OTOF: variants seen among roughly 807,000 people sequenced by gnomAD.
OTOF encodes otoferlin.
OTOF carries 218 observed loss-of-function variants against 236.8 expected under a neutral mutation model. The ratio of observed to expected loss-of-function variants is 0.92; its 90% confidence interval spans 0.82 to 1.03. The LOEUF is 1.03. Among genes scored for constraint, OTOF ranks in the 50% least tolerant of loss-of-function variants. OTOF has a pLI of 0.00. For missense variants in OTOF, 2,590 were observed against 2,694.4 expected (o/e 0.96, Z 0.86); for synonymous variants, 1,041 against 1,072.5 (o/e 0.97, Z 0.57).
intron 18 of OTOF, 64 bp downstream of exon 18, chr2:26,479,200 G>T: frequency 6.3e-7 from 1 of 1,591,424 alleles, no homozygotes; most frequent in Non-Finnish European, 8.6e-7. Flanking sequence ...TTCCAGGGAA[G>T]GCCCTCTGAC....
chr2:26,478,582 T>C (rs1665424539), intron 18 of OTOF, among the ~76,000 whole-genome samples: 1 of 151,972 alleles, frequency 6.6e-6, no homozygotes, highest in Admixed American at 6.6e-5. Context: ...CCATGGCTCA[T>C]GGGGGGAGAG....
At chr2:26,458,320 G>A in intron 46 of OTOF, 100 bp from the exon 47 acceptor site, 2 of 1,232,678 alleles carry the variant, frequency 1.6e-6, no homozygotes, top group Middle Eastern at 2.5e-4. Flanking sequence ...GCCCTGCCAT[G>A]GCCCCAGCCC....
chr2:26,555,344 C>A (rs72857910), intron 1 of OTOF, among the ~76,000 whole-genome samples: 2,200 of 152,314 alleles, frequency 0.014, 38 homozygotes, highest in East Asian at 0.043. Flanking sequence ...GACTCCCTAT[C>A]TCCTGTCTGA....
intron 18 of OTOF, among the ~76,000 whole-genome samples, chr2:26,478,791 C>T (rs542574144): frequency 5.3e-5 from 8 of 152,294 alleles, no homozygotes; most frequent in African/African-American, 1.2e-4. Context: ...CTCCGCCTCA[C>T]GGGTTCAAGC....
At chr2:26,501,615 CT>C in intron 8 of OTOF, 138 bp downstream of exon 8, 1 of 673,706 alleles carries the variant, frequency 1.5e-6, no homozygotes, top group African/African-American at 1.8e-5. Context: ...AACAAGCTTA[CT>C]TTGGGAACTT....
At chr2:26,501,845 G>C in intron 7 of OTOF, 37 bp from the exon 8 acceptor site, 1 of 1,523,036 alleles carries the variant, frequency 6.6e-7, no homozygotes. Flanking sequence ...CTGGGGTATG[G>C]GGACTGCTTG....
At position 26,468,470 on chromosome 2, in the gene OTOF, AGTT is replaced by A; in HGVS notation, c.4025_4027del (p.Gln1342del). The A allele has an allele frequency of 6.2e-7, 1 of 1,613,916 alleles. No individual in the cohort carries two copies. The highest frequency in any genetic ancestry group is 8.5e-7 in the Non-Finnish European group (1 of 1,179,828). ...AATTCCAGAGGGCTCTTGTTGTCGA[AGTT>A]GCTGCCAAAAGATGAGATGAAAAGG... On this transcript the variant is annotated inframe_deletion and splice_region_variant, in exon 33 of 47. Coordinates refer to ENST00000272371, the MANE Select transcript of OTOF (RefSeq NM_194248.3).
chr2:26,508,713 C>T, intron 5 of OTOF, among the ~76,000 whole-genome samples: 1 of 152,250 alleles, frequency 6.6e-6, no homozygotes, highest in East Asian at 1.9e-4. Context: ...TCTACTTCAA[C>T]TTAACTTCAA....
chr2:26,520,923 C>T lies in OTOF; in HGVS notation c.228-1814G>A, dbSNP rs75207971. ...GTGAAAACATGCACGGCTGGGATAT[C>T]CTCTTCTGTGGATATGCTGGAAAAT... On this transcript the variant is annotated intron_variant, in intron 3 of 46. Transcript: ENST00000272371. 4.6e-3 allele frequency among the ~76,000 whole-genome samples: 698 copies of T among 152,286 alleles called. 3 individuals carry two copies. Among genetic ancestry groups the T allele is most frequent in the Non-Finnish European group, 7.8e-3 (531 of 68,024 alleles).
intron 5 of OTOF, among the ~76,000 whole-genome samples, chr2:26,512,453 C>T (rs913867240): frequency 5.3e-5 from 8 of 152,184 alleles, no homozygotes; most frequent in African/African-American, 1.7e-4. Context: ...TGGTCAGGGC[C>T]GAAGTCACTT....
In OTOF at chr2:26,474,076, A is replaced by AT; in HGVS notation, c.3322dup (p.Ile1108AsnfsTer69). 6.2e-7 allele frequency: 1 copy of AT among 1,612,970 alleles called. No individual in the cohort carries two copies. Among genetic ancestry groups the AT allele is most frequent in the Non-Finnish European group, 8.5e-7 (1 of 1,179,872 alleles). On this transcript the variant is annotated frameshift_variant, in exon 27 of 47. Transcript: ENST00000272371. LOFTEE classifies it high-confidence loss of function. ...TCGGTCCACGTCCACCGGGCCATTG[A>AT]TGGGGGGCAGGTCAGCCTTCCCTGC... is the stretch of plus-strand genomic sequence containing the variant.
At chr2:26,459,744 T>C (rs923975699) in intron 46 of OTOF, among the ~76,000 whole-genome samples, 4 of 152,136 alleles carry the variant, frequency 2.6e-5, no homozygotes, top group African/African-American at 9.7e-5. Flanking sequence ...AAGTGTAAAA[T>C]AGTCATTTCT....
At chr2:26,519,214 C>T (rs1666614292) in intron 3 of OTOF, 105 bp from the exon 4 acceptor site, 2 of 782,662 alleles carry the variant, frequency 2.6e-6, no homozygotes, top group Non-Finnish European at 4.3e-6. Flanking sequence ...CTCAGGTGGG[C>T]TTGCTCCAGC....
chr2:26,555,623 G>T (rs905186125), intron 1 of OTOF, among the ~76,000 whole-genome samples: 12 of 152,160 alleles, frequency 7.9e-5, no homozygotes, highest in African/African-American at 2.9e-4. Context: ...GAGTCTCGGG[G>T]GTCTGCCTGC....
At chr2:26,483,197 G>A (rs916133663) in intron 13 of OTOF, among the ~76,000 whole-genome samples, 43 of 151,950 alleles carry the variant, frequency 2.8e-4, no homozygotes, top group Admixed American at 9.8e-4. Flanking sequence ...GCGTGTATGA[G>A]TGGGTGCATG....
At chr2:26,467,669 G>A (rs1167945486) in intron 33 of OTOF, among the ~76,000 whole-genome samples, 168 bp from the exon 34 acceptor site, 1 of 152,178 alleles carries the variant, frequency 6.6e-6, no homozygotes, top group Non-Finnish European at 1.5e-5. Context: ...TGGAGGTGCT[G>A]GGGGCCCCAG....
chr2:26,524,366 A>G (rs547521856), intron 3 of OTOF, among the ~76,000 whole-genome samples: 35 of 152,122 alleles, frequency 2.3e-4, no homozygotes, highest in Non-Finnish European at 4.9e-4. Flanking sequence ...AAAATTATCC[A>G]GGCCTGGTGG....
Position 26,460,695 on chromosome 2 carries a change from T to A in OTOF, c.5765A>T (p.Asn1922Ile). 6.2e-7 allele frequency: 1 copy of A among 1,613,804 alleles called. No homozygotes were observed. Among genetic ancestry groups the A allele is most frequent in the South Asian group, 1.1e-5 (1 of 91,064 alleles). The change falls in exon 45 of 47, where the codon AAC (asparagine) becomes ATC (isoleucine). Residue 1922 changes from asparagine to isoleucine, a missense_variant. Coordinates refer to ENST00000272371, the MANE Select transcript of OTOF (RefSeq NM_194248.3). This position sits in a 1 kb window ranked among gnomAD's most constrained non-coding sequence, Gnocchi z 5.3. ...TTCATTGCGGGCCAGGCCCACTGGG[T>A]TCTTCTCTGCCTCCTCTGCTGTCAG... ...HLLTAEEAEK[N>I]PVGLARNEPD...
chr2:26,464,188 A>G (rs1484872482), intron 39 of OTOF, 82 bp from the exon 40 acceptor site: 85 of 1,549,716 alleles, frequency 5.5e-5, no homozygotes, highest in Non-Finnish European at 7.5e-5. Context: ...TTAGGAGCAC[A>G]AAGAAGCCTC....
Sources: allele counts gnomAD v4.1 joint callset (sites outside exome capture counted in the v4.1 genomes callset), GRCh38; gene constraint gnomAD v4.1.1; non-coding constraint Gnocchi (gnomAD v3.1); transcripts MANE v1.5; gene names NCBI Gene and HGNC (gene_info 2026-07-23, HGNC 2026-07-21).